The following ZNRF3 variants were observed in gnomAD, a reference collection of about 807,000 sequenced individuals.
The protein encoded by ZNRF3 is zinc and ring finger 3, also known as E3 ubiquitin-protein ligase ZNRF3.
ZNRF3 carries 23 observed loss-of-function variants against 72.5 expected under a neutral mutation model. The ratio of observed to expected loss-of-function variants is 0.32; its 90% CI spans 0.23 to 0.45. ZNRF3 has a LOEUF of 0.45. Ranked by LOEUF, ZNRF3 falls within the 20% of genes least tolerant of loss-of-function variation. The probability of loss-of-function intolerance (pLI) is 1.00; values close to 1 mark genes in which losing one functional copy is unlikely to be tolerated. For synonymous variants in ZNRF3, 610 were observed against 545.3 expected (o/e 1.12, Z -1.65); for missense variants, 1,169 against 1,272.1 (o/e 0.92, Z 1.23).
chr22:28,957,486 C>T lies in ZNRF3; in HGVS notation c.301-29590C>T, dbSNP rs184843798. 1.5e-3 allele frequency among the ~76,000 whole-genome samples: 222 copies of T among 152,306 alleles called. 4 individuals are homozygous for T. Among genetic ancestry groups the T allele is most frequent in the Non-Finnish European group, 4.9e-4 (33 of 68,036 alleles). On this transcript the variant is annotated intron_variant, in intron 1 of 8. Transcript: ENST00000544604. ...ACAGAGTCTCGCCCTGTCGCCCAGGCTGGAGTGCAATGGCATGATCTTGGC... is the reference window on the plus strand; with the variant it reads ...ACAGAGTCTCGCCCTGTCGCCCAGGTTGGAGTGCAATGGCATGATCTTGGC...
chr22:28,969,665 C>T (rs1450348920), intron 1 of ZNRF3, among the ~76,000 whole-genome samples: 1 of 152,128 alleles, frequency 6.6e-6, no homozygotes, highest in Non-Finnish European at 1.5e-5. Context: ...TCCAGGGCTT[C>T]ATAAGTCAGC....
rs368597022 is a variant in ZNRF3, at chr22:28,975,211, G to A, written c.301-11865G>A. 2.0e-5 allele frequency among the ~76,000 whole-genome samples: 3 copies of A among 152,124 alleles called. No individual in the cohort carries two copies. In the South Asian group the frequency reaches 6.2e-4, roughly 32 times the overall value. ...AGGCGGGCGGATCATGACGTCAAGA[G>A]TTCAAGACCAGGCCAGGCGCAGTGG... is the stretch of plus-strand genomic sequence containing the variant. On this transcript the variant is annotated intron_variant, in intron 1 of 8. Transcript: ENST00000544604.
Position 29,039,506 on chromosome 22 carries a change from C to T in ZNRF3, c.427-2989C>T, listed in dbSNP as rs554978651. Among the ~76,000 whole-genome samples, 43 of 152,220 alleles carry T rather than the reference C, an allele frequency of 2.8e-4. 1 individual carries two copies. Among genetic ancestry groups the T allele is most frequent in the Non-Finnish European group, 3.5e-4 (24 of 68,002 alleles). On this transcript the variant is annotated intron_variant, in intron 2 of 8. Coordinates refer to ENST00000544604, the MANE Select transcript of ZNRF3 (RefSeq NM_001206998.2). Reference sequence around the variant, plus strand: ...TATTTCCTCATTTTTAGTGCTTTTCCTCAGGGCCCTTCTATGTCTGGAGAA... The same window carrying T: ...TATTTCCTCATTTTTAGTGCTTTTCTTCAGGGCCCTTCTATGTCTGGAGAA...
At chr22:28,941,006 T>C (rs73882405) in intron 1 of ZNRF3, among the ~76,000 whole-genome samples, 2,447 of 152,278 alleles carry the variant, frequency 0.016, 75 homozygotes, top group African/African-American at 0.057. Flanking sequence ...TTCTCTGGCA[T>C]GTTTAGTGAC....
chr22:29,042,586 A>G lies in ZNRF3; in HGVS notation c.501+17A>G, dbSNP rs745787026. Reference sequence around the variant, plus strand: ...ATTGATCAGGTAAGCTCCTCAGGCCATGCCAACACTGCAGCCTCCCTGAGA... The same window carrying G: ...ATTGATCAGGTAAGCTCCTCAGGCCGTGCCAACACTGCAGCCTCCCTGAGA... On this transcript the variant is annotated intron_variant, in intron 3 of 8. Transcript: ENST00000544604. 5.6e-6 allele frequency: 9 copies of G among 1,611,574 alleles called. No individual in the cohort carries two copies. The highest frequency in any genetic ancestry group is 2.2e-5 in the East Asian group (1 of 44,890).
chr22:28,890,407 G>A (rs564432579), intron 1 of ZNRF3, among the ~76,000 whole-genome samples: 4 of 152,326 alleles, frequency 2.6e-5, no homozygotes, highest in Non-Finnish European at 5.9e-5. Context: ...GACTGAGGCA[G>A]GAGAATGGCG....
intron 1 of ZNRF3, among the ~76,000 whole-genome samples, chr22:28,907,032 G>A (rs2034220409): frequency 6.6e-6 from 1 of 150,416 alleles, no homozygotes; most frequent in Non-Finnish European, 1.5e-5. Context: ...GCCCAGGCTG[G>A]AGTGCAGGGG....
At chr22:28,899,663 A>ATCCT (rs2034067062) in intron 1 of ZNRF3, among the ~76,000 whole-genome samples, 1 of 150,842 alleles carries the variant, frequency 6.6e-6, no homozygotes, top group Admixed American at 6.6e-5. Flanking sequence ...AGCATGAGTT[A>ATCCT]ATTTTCTTTC....
At chr22:29,026,939 G>A (rs974144865) in intron 2 of ZNRF3, 1 of 152,212 alleles carries the variant, frequency 6.6e-6, no homozygotes, top group Admixed American at 6.5e-5. Context: ...CTTTCCTTAA[G>A]TCTGAGGTAG....
At chr22:28,997,854 A>G (rs2036070716) in intron 2 of ZNRF3, among the ~76,000 whole-genome samples, 1 of 151,860 alleles carries the variant, frequency 6.6e-6, no homozygotes. Context: ...AAAAACAAAA[A>G]AATAGCTGGG....
chr22:28,895,398 G>A (rs1287166985), intron 1 of ZNRF3, among the ~76,000 whole-genome samples: 4 of 152,294 alleles, frequency 2.6e-5, no homozygotes, highest in East Asian at 3.9e-4. Context: ...CTGTGACTCC[G>A]GCCGGGCACG....
At position 29,028,833 on chromosome 22, in the gene ZNRF3, A is replaced by G. The variant is rs540839014; in HGVS notation, c.427-13662A>G. 1.4e-4 allele frequency among the ~76,000 whole-genome samples: 21 copies of G among 152,322 alleles called. 1 individual carries two copies. The South Asian group carries it at 3.1e-3, about 23-fold the overall frequency. ...CCTCTTGGAGTCTCAGTACCACTCTATGACCAAGCAGGGGGGCCGTGCTTT... is the reference window on the plus strand; with the variant it reads ...CCTCTTGGAGTCTCAGTACCACTCTGTGACCAAGCAGGGGGGCCGTGCTTT... On this transcript the variant is annotated intron_variant, in intron 2 of 8. Coordinates refer to ENST00000544604, the MANE Select transcript of ZNRF3 (RefSeq NM_001206998.2).
At position 29,056,779 on chromosome 22, in the gene ZNRF3, G is replaced by A. The variant is rs1052783998; in HGVS notation, c.*3157G>A. ...GTTTACCAACAAGGTACCTCTTTATGGATGCAGCCCCAGTAAGCTGGCTTT... is the reference window on the plus strand; with the variant it reads ...GTTTACCAACAAGGTACCTCTTTATAGATGCAGCCCCAGTAAGCTGGCTTT... On this transcript the variant is annotated 3_prime_UTR_variant, in exon 9 of 9. Transcript: ENST00000544604. 1 of 152,178 alleles carries A rather than the reference G, an allele frequency of 6.6e-6. No individual in the cohort carries two copies. The highest frequency in any genetic ancestry group is 2.4e-5 in the African/African-American group (1 of 41,438). The allele number at this position is 152,178 out of a possible 1,614,324, so 9.4% of individuals were successfully genotyped here.
intron 1 of ZNRF3, among the ~76,000 whole-genome samples, chr22:28,972,064 T>C: frequency 6.6e-6 from 1 of 152,162 alleles, no homozygotes; most frequent in East Asian, 1.9e-4. Flanking sequence ...ATATTTTTCC[T>C]TTTCTCCCCA....
intron 1 of ZNRF3, among the ~76,000 whole-genome samples, chr22:28,956,568 C>T (rs767706167): frequency 8.4e-4 from 127 of 152,052 alleles, no homozygotes; most frequent in Non-Finnish European, 1.5e-3. Flanking sequence ...AGGGGTCTGC[C>T]TTTCAGTCCT....
intron 1 of ZNRF3, among the ~76,000 whole-genome samples, chr22:28,933,970 G>C (rs2123780714): frequency 6.6e-6 from 1 of 151,984 alleles, no homozygotes; most frequent in South Asian, 2.1e-4. Flanking sequence ...TTAAGGACCT[G>C]ATGTATTAAT....
At chr22:28,957,370 C>T (rs2035279744) in intron 1 of ZNRF3, among the ~76,000 whole-genome samples, 1 of 152,166 alleles carries the variant, frequency 6.6e-6, no homozygotes, top group Non-Finnish European at 1.5e-5. Context: ...AGAGGGTGCC[C>T]AGTAAATTTA....
intron 2 of ZNRF3, among the ~76,000 whole-genome samples, chr22:29,008,646 A>G (rs2036298905): frequency 6.6e-6 from 1 of 152,188 alleles, no homozygotes; most frequent in South Asian, 2.1e-4. Context: ...GGACTCATTC[A>G]CAGCTGTGTG....
intron 1 of ZNRF3, among the ~76,000 whole-genome samples, chr22:28,931,297 C>T (rs1468582017): frequency 1.8e-4 from 28 of 152,130 alleles, no homozygotes; most frequent in Non-Finnish European, 8.8e-5. Flanking sequence ...CCTTGAAGGA[C>T]CCTTTTTTGT....
Sources: gnomAD v4.1 joint callset for allele counts (sites outside exome capture counted in the v4.1 genomes callset) on GRCh38, gnomAD v4.1.1 for gene constraint, MANE v1.5 for transcripts, NCBI Gene and HGNC (gene_info 2026-07-23, HGNC 2026-07-21) for gene names.